SHISA9: variants seen among roughly 807,000 people sequenced by gnomAD.
The protein encoded by SHISA9 is shisa family member 9.
Under a neutral mutation model 38.0 loss-of-function variants are expected in SHISA9, and 13 were observed. That is an observed-to-expected ratio of 0.34 (90% CI 0.22 to 0.54). SHISA9 has a LOEUF of 0.54. Among genes scored for constraint, SHISA9 ranks in the 20% least tolerant of loss-of-function variants. The pLI is 0.91. For missense variants in SHISA9, 538 were observed against 575.8 expected (o/e 0.93, Z 0.67); for synonymous variants, 275 against 242.0 (o/e 1.14, Z -1.27).
chr16:12,946,424 G>T (rs1464164700), intron 2 of SHISA9, among the ~76,000 whole-genome samples: 1 of 152,208 alleles, frequency 6.6e-6, no homozygotes, highest in African/African-American at 2.4e-5. Context: ...TAGAAGCAAA[G>T]CCTGAGTCAA....
the SHISA9 span, among the ~76,000 whole-genome samples, chr16:13,359,489 A>G: frequency 6.6e-6 from 1 of 152,134 alleles, no homozygotes; most frequent in Non-Finnish European, 1.5e-5. Flanking sequence ...TCTCAGAAAA[A>G]TAAATAAATA....
intron 2 of SHISA9, among the ~76,000 whole-genome samples, chr16:13,099,677 C>T (rs922777665): frequency 2.0e-5 from 3 of 152,078 alleles, no homozygotes; most frequent in Non-Finnish European, 4.4e-5. Flanking sequence ...CGATGGGCAG[C>T]GGGGACGGGG....
intron 2 of SHISA9, among the ~76,000 whole-genome samples, chr16:13,177,386 A>C (rs2050740252): frequency 6.6e-6 from 1 of 152,286 alleles, no homozygotes; most frequent in African/African-American, 2.4e-5. Context: ...CTCCCCACAG[A>C]GACTATGGCT....
At chr16:13,086,353 C>CAAAA (rs767516512) in intron 2 of SHISA9, among the ~76,000 whole-genome samples, 40 of 50,764 alleles carry the variant, frequency 7.9e-4, no homozygotes, top group African/African-American at 1.9e-3. Flanking sequence ...GATTCCATCT[C>CAAAA]AAAAAAAAAA....
intron 4 of SHISA9, among the ~76,000 whole-genome samples, chr16:13,234,707 C>T (rs933419959): frequency 6.6e-6 from 1 of 152,144 alleles, no homozygotes; most frequent in Non-Finnish European, 1.5e-5. Flanking sequence ...AAAGAAACAA[C>T]ACGCGAATTT....
chr16:13,486,867 G>C, the SHISA9 span, among the ~76,000 whole-genome samples: 1 of 152,182 alleles, frequency 6.6e-6, no homozygotes, highest in East Asian at 1.9e-4. Flanking sequence ...ACCGCACCCA[G>C]CTAATTTTGT....
chr16:13,550,928 C>T, the SHISA9 span, among the ~76,000 whole-genome samples: 1 of 152,054 alleles, frequency 6.6e-6, no homozygotes. Context: ...TCGAGACCAG[C>T]CTGGCCAACA....
intron 2 of SHISA9, among the ~76,000 whole-genome samples, chr16:12,986,949 G>A (rs2072318567): frequency 1.3e-5 from 2 of 152,202 alleles, no homozygotes; most frequent in Admixed American, 1.3e-4. Context: ...CTTCTCATTA[G>A]ATGATATCAC....
At chr16:13,449,813 C>G in the SHISA9 span, among the ~76,000 whole-genome samples, 2 of 152,100 alleles carry the variant, frequency 1.3e-5, no homozygotes, top group African/African-American at 4.8e-5. Context: ...TGTCTCTTTT[C>G]TACAAAGCTC....
At chr16:13,524,083 A>C in the SHISA9 span, among the ~76,000 whole-genome samples, 1 of 152,158 alleles carries the variant, frequency 6.6e-6, no homozygotes, top group Non-Finnish European at 1.5e-5. Flanking sequence ...CTCCCACCCC[A>C]AATGATGTTC....
intron 2 of SHISA9, among the ~76,000 whole-genome samples, chr16:13,193,633 A>G (rs992510848): frequency 6.6e-6 from 1 of 152,212 alleles, no homozygotes; most frequent in African/African-American, 2.4e-5. Context: ...GGCATGAGCC[A>G]CCGCGCCTGG....
At position 12,902,562 on chromosome 16, in the gene SHISA9, C is replaced by T. The variant is rs1298699676; in HGVS notation, c.498C>T (p.Leu166=). Reference sequence around the variant, plus strand: ...GCGGGGTGGTGGCCGTCATGGTGCTCGTGGGCATCTTCACCAAGCTGGGGC... The same window carrying T: ...GCGGGGTGGTGGCCGTCATGGTGCTTGTGGGCATCTTCACCAAGCTGGGGC... ...IICGVVAVMV[L]VGIFTKLGLE... The change falls in exon 1 of 5, where the codon CTC becomes CTT. Residue 166 remains leucine (L), a synonymous_variant. Coordinates refer to ENST00000558583, the MANE Select transcript of SHISA9 (RefSeq NM_001145204.3). 5.2e-6 allele frequency: 8 copies of T among 1,551,276 alleles called. No individual in the cohort carries two copies. The highest frequency in any genetic ancestry group is 2.4e-5 in the East Asian group (1 of 40,884).
At chr16:13,092,879 G>A (rs944709854) in intron 2 of SHISA9, among the ~76,000 whole-genome samples, 4 of 152,202 alleles carry the variant, frequency 2.6e-5, no homozygotes, top group Admixed American at 2.0e-4. Context: ...AGTTGGAAAT[G>A]CAGAAATCAC....
chr16:13,488,372 C>G, the SHISA9 span, among the ~76,000 whole-genome samples: 3 of 152,098 alleles, frequency 2.0e-5, no homozygotes, highest in African/African-American at 7.2e-5. Flanking sequence ...AACATAAATG[C>G]TGCATTTTTC....
At chr16:12,954,892 A>G (rs531537021) in intron 2 of SHISA9, among the ~76,000 whole-genome samples, 9 of 152,240 alleles carry the variant, frequency 5.9e-5, no homozygotes, top group Admixed American at 1.3e-4. Flanking sequence ...TTCCATATCC[A>G]GAGGGCACAG....
chr16:13,469,300 G>C, the SHISA9 span, among the ~76,000 whole-genome samples: 2 of 73,582 alleles, frequency 2.7e-5, no homozygotes, highest in Non-Finnish European at 5.1e-5. Context: ...GAGAAAGAAA[G>C]ACAGAGAGAG....
chr16:13,367,732 A>G, the SHISA9 span, among the ~76,000 whole-genome samples: 2 of 145,570 alleles, frequency 1.4e-5, no homozygotes, highest in South Asian at 4.4e-4. Context: ...ACACACACAC[A>G]CACACACACA....
intron 2 of SHISA9, among the ~76,000 whole-genome samples, chr16:12,961,996 C>T (rs1457851979): frequency 6.6e-6 from 1 of 152,154 alleles, no homozygotes; most frequent in African/African-American, 2.4e-5. Flanking sequence ...AGTGTCTGTC[C>T]CTGTGGCGAC....
At chr16:13,198,935 C>T (rs1285289121) in intron 2 of SHISA9, among the ~76,000 whole-genome samples, 1 of 152,214 alleles carries the variant, frequency 6.6e-6, no homozygotes, top group Admixed American at 6.5e-5. Flanking sequence ...TATTAAGTAA[C>T]TACTCACTGC....
Sources: allele counts gnomAD v4.1 joint callset (sites outside exome capture counted in the v4.1 genomes callset), GRCh38; gene constraint gnomAD v4.1.1; transcripts MANE v1.5; gene names NCBI Gene and HGNC (gene_info 2026-07-23, HGNC 2026-07-21).